The following SOX6 variants were observed in gnomAD, a reference collection of about 807,000 sequenced individuals.
The protein encoded by SOX6 is transcription factor SOX-6.
Under a neutral mutation model 97.8 loss-of-function variants are expected in SOX6, and 11 were observed. The observed-to-expected ratio is 0.11, with a 90% CI of 0.07 to 0.19. The LOEUF is 0.19. Ranked by LOEUF, SOX6 falls within the 10% of genes least tolerant of loss-of-function variation. SOX6 has a pLI of 1.00. For missense variants in SOX6, 810 were observed against 1,039.5 expected, an observed-to-expected ratio of 0.78 and a Z score of 3.04; for synonymous variants, 360 against 371.4, an observed-to-expected ratio of 0.97 and a Z score of 0.35.
intron 1 of SOX6, among the ~76,000 whole-genome samples, chr11:16,430,202 T>G (rs997932807): frequency 6.6e-6 from 1 of 152,176 alleles, no homozygotes; most frequent in Non-Finnish European, 1.5e-5. Flanking sequence ...CCAGCCCTTT[T>G]ACTTTGTCAT....
intron 9 of SOX6, among the ~76,000 whole-genome samples, chr11:16,058,642 T>C (rs1847875408): frequency 6.6e-6 from 1 of 151,978 alleles, no homozygotes; most frequent in Non-Finnish European, 1.5e-5. Context: ...CTTGCCTTGA[T>C]TTGTGTATAG....
intron 4 of SOX6, among the ~76,000 whole-genome samples, chr11:16,531,042 A>G: frequency 6.8e-6 from 1 of 146,376 alleles, no homozygotes; most frequent in East Asian, 1.9e-4. Context: ...CTCTACAGAT[A>G]GATAGATATA....
At chr11:16,542,995 A>G (rs1861431018) in intron 4 of SOX6, among the ~76,000 whole-genome samples, 2 of 152,028 alleles carry the variant, frequency 1.3e-5, no homozygotes, top group Non-Finnish European at 2.9e-5. Flanking sequence ...AATCAAGAAC[A>G]GTCTACATAC....
chr11:16,021,405 C>A (rs1346495692), intron 12 of SOX6, among the ~76,000 whole-genome samples: 4 of 152,104 alleles, frequency 2.6e-5, no homozygotes, highest in Non-Finnish European at 5.9e-5. Flanking sequence ...ATTGACTTAA[C>A]AAACACTGTC....
intron 1 of SOX6, among the ~76,000 whole-genome samples, chr11:16,444,089 C>G (rs1411253255): frequency 2.0e-5 from 3 of 150,368 alleles, no homozygotes; most frequent in Non-Finnish European, 4.4e-5. Flanking sequence ...TAATTATTAC[C>G]TAATGAGATT....
chr11:16,634,930 T>C (rs1848762331), intron 3 of SOX6, among the ~76,000 whole-genome samples: 1 of 152,202 alleles, frequency 6.6e-6, no homozygotes, highest in Admixed American at 6.5e-5. Flanking sequence ...TTTCCCACCC[T>C]TCACTCTGCA....
chr11:16,566,717 T>C (rs1371853061), intron 4 of SOX6, among the ~76,000 whole-genome samples: 1 of 152,242 alleles, frequency 6.6e-6, no homozygotes, highest in African/African-American at 2.4e-5. Context: ...GGAACCTTCA[T>C]ACATGGCTCA....
In SOX6 at chr11:16,254,718, A is replaced by G. The variant is rs146296585; in HGVS notation, c.446-20047T>C. Among the ~76,000 whole-genome samples, 607 of 152,196 alleles carry G rather than the reference A, an allele frequency of 4.0e-3. 4 individuals carry two copies. The highest frequency in any genetic ancestry group is 0.014 in the African/African-American group (574 of 41,570). ...AAAGGCAGGGAAAGCAAAAATAAAA[A>G]TGAACGACAAGGACAAATAGAAAAC... On this transcript the variant is annotated intron_variant, in intron 3 of 15. Transcript: ENST00000683767.
intron 5 of SOX6, among the ~76,000 whole-genome samples, chr11:16,184,479 T>C (rs1328360296): frequency 2.0e-5 from 3 of 152,172 alleles, no homozygotes; most frequent in Non-Finnish European, 4.4e-5. Flanking sequence ...TAGCTTTTTT[T>C]GTTGATGCTG....
intron 6 of SOX6, among the ~76,000 whole-genome samples, chr11:16,179,905 A>C (rs1384990797): frequency 6.6e-6 from 1 of 151,870 alleles, no homozygotes; most frequent in Non-Finnish European, 1.5e-5. Flanking sequence ...ATTGGATAAT[A>C]CTATTCATCC....
At chr11:16,188,229 CAAAAAAA>C (rs5789943) in intron 4 of SOX6, among the ~76,000 whole-genome samples, 33 of 113,602 alleles carry the variant, frequency 2.9e-4, no homozygotes, top group Non-Finnish European at 2.7e-4. Flanking sequence ...AACTCAGGTC[CAAAAAAA>C]AAAAAAAAAA....
intron 4 of SOX6, among the ~76,000 whole-genome samples, chr11:16,191,852 TCTTTTTTTTC>T (rs1229046467): frequency 6.8e-5 from 6 of 88,158 alleles, no homozygotes; most frequent in Admixed American, 6.2e-4. Context: ...GTTTTTTTTT[TCTTTTTTTTC>T]TTTTTTTTTC....
chr11:16,206,705 T>C (rs1293679207), intron 4 of SOX6, among the ~76,000 whole-genome samples: 1 of 152,218 alleles, frequency 6.6e-6, no homozygotes, highest in Admixed American at 6.5e-5. Context: ...ATAATGTCTA[T>C]ATTAAAATCT....
intron 4 of SOX6, among the ~76,000 whole-genome samples, chr11:16,222,794 T>C (rs1852581293): frequency 6.6e-6 from 1 of 152,122 alleles, no homozygotes; most frequent in Non-Finnish European, 1.5e-5. Flanking sequence ...ATAAAGTACA[T>C]ATTTTCTCTC....
At chr11:16,292,065 T>C (rs555712324) in intron 3 of SOX6, among the ~76,000 whole-genome samples, 1 of 152,202 alleles carries the variant, frequency 6.6e-6, no homozygotes, top group South Asian at 2.1e-4. Context: ...TCTATACTAC[T>C]TATTAGTATA....
intron 4 of SOX6, among the ~76,000 whole-genome samples, chr11:16,553,579 A>ATTT (rs61469318): frequency 7.0e-6 from 1 of 143,428 alleles, no homozygotes; most frequent in Non-Finnish European, 1.5e-5. Context: ...GATTTTGGCC[A>ATTT]TTTTTTTTTT....
intron 1 of SOX6, among the ~76,000 whole-genome samples, chr11:16,354,003 A>T (rs1232991122): frequency 6.6e-6 from 1 of 152,008 alleles, no homozygotes; most frequent in Non-Finnish European, 1.5e-5. Flanking sequence ...ATTTGCATCC[A>T]TGGTGCCTAG....
chr11:16,186,391 A>G (rs1467330098), intron 5 of SOX6, among the ~76,000 whole-genome samples: 2 of 152,190 alleles, frequency 1.3e-5, no homozygotes, highest in Admixed American at 6.5e-5. Flanking sequence ...GAGCTAAAAG[A>G]TTCCCAAAGT....
intron 1 of SOX6, among the ~76,000 whole-genome samples, chr11:16,412,943 C>T (rs984249978): frequency 6.6e-6 from 1 of 152,154 alleles, no homozygotes; most frequent in African/African-American, 2.4e-5. Flanking sequence ...TGCCCACTCC[C>T]TATGACGTGG....
Sources: allele counts gnomAD v4.1 joint callset (sites outside exome capture counted in the v4.1 genomes callset), GRCh38; gene constraint gnomAD v4.1.1; transcripts MANE v1.5; gene names NCBI Gene and HGNC (gene_info 2026-07-23, HGNC 2026-07-21).